Variants in TPP2 observed in about 807,000 individuals in gnomAD.
The protein encoded by TPP2 is tripeptidyl-peptidase 2.
Under a neutral mutation model 155.9 loss-of-function variants are expected in TPP2, and 34 were observed. The observed-to-expected ratio is 0.22, with a 90% CI of 0.17 to 0.29. The LOEUF is 0.29. Among genes scored for constraint, TPP2 ranks in the 10% least tolerant of loss-of-function variants. TPP2 has a pLI of 1.00. For missense variants in TPP2, 1,028 were observed against 1,522.3 expected (o/e 0.68, Z 5.40); for synonymous variants, 510 against 529.4 (o/e 0.96, Z 0.50).
chr13:102,640,826 A>AT (rs1882716185), intron 16 of TPP2, among the ~76,000 whole-genome samples: 2 of 151,310 alleles, frequency 1.3e-5, no homozygotes, highest in Admixed American at 6.6e-5. Context: ...TATTTTTTGT[A>AT]TTTTTAGTAG....
chr13:102,646,452 A>T, intron 20 of TPP2, 62 bp downstream of exon 20: 1 of 1,314,060 alleles, frequency 7.6e-7, no homozygotes, highest in Non-Finnish European at 1.1e-6. Flanking sequence ...TTTATGATTC[A>T]TAGAATCAAA....
intron 27 of TPP2, 26 bp downstream of exon 27, chr13:102,664,951 T>G (rs953151209): frequency 6.8e-6 from 11 of 1,606,976 alleles, no homozygotes; most frequent in Non-Finnish European, 9.3e-6. Context: ...ATAATCTTTC[T>G]TGCATCTCAT....
intron 3 of TPP2, 119 bp from the exon 4 acceptor site, chr13:102,616,277 T>C: frequency 1.3e-6 from 1 of 760,092 alleles, no homozygotes; most frequent in Non-Finnish European, 2.0e-6. Context: ...TTTTAAAACC[T>C]CTCTATGAGA....
At chr13:102,627,542 G>A (rs1292486952) in intron 7 of TPP2, among the ~76,000 whole-genome samples, 1 of 151,442 alleles carries the variant, frequency 6.6e-6, no homozygotes, top group Non-Finnish European at 1.5e-5. Context: ...TTTAATTTTA[G>A]TGATTTTTTA....
chr13:102,609,556 C>G (rs1415015888), intron 2 of TPP2, among the ~76,000 whole-genome samples: 1 of 151,872 alleles, frequency 6.6e-6, no homozygotes, highest in Non-Finnish European at 1.5e-5. Flanking sequence ...TGCCACCACA[C>G]CCGGCTAATT....
In TPP2 at chr13:102,651,579, G is replaced by GT. The variant is rs67186749; in HGVS notation, c.2991+195dup. 9.2e-4 allele frequency among the ~76,000 whole-genome samples: 133 copies of GT among 144,782 alleles called. 1 individual carries two copies. The South Asian group carries it at 0.014, about 16-fold the overall frequency. 95.0% of individuals were successfully genotyped at this position (144,782 alleles called of 152,430 possible). On this transcript the variant is annotated intron_variant, in intron 24 of 29. Transcript: ENST00000376052. The stretch of plus-strand genomic sequence containing the variant: ...TTGTTGACATACTGCTTTTCTAAAG[G>GT]TTTTTTTTTTTTTCCCCACCATAAA...
chr13:102,624,871 T>A (rs1291431584), intron 6 of TPP2, among the ~76,000 whole-genome samples: 82 of 99,864 alleles, frequency 8.2e-4, no homozygotes, highest in African/African-American at 3.1e-3. Flanking sequence ...TTTTTTTTTT[T>A]TTTTTGAGAC....
chr13:102,607,661 A>T (rs2139421028), intron 2 of TPP2: 9 of 448,526 alleles, frequency 2.0e-5, no homozygotes, highest in South Asian at 1.4e-4. Flanking sequence ...ATCTCGGCTC[A>T]CCTCGACCTC....
chr13:102,602,593 C>T (rs941177882), intron 1 of TPP2, among the ~76,000 whole-genome samples: 9 of 152,166 alleles, frequency 5.9e-5, no homozygotes, highest in African/African-American at 1.2e-4. Context: ...CCACCAACCA[C>T]CCATTTGCTT....
At chr13:102,651,467 T>C (rs1253205161) in intron 24 of TPP2, 70 bp downstream of exon 24, 2 of 1,489,200 alleles carry the variant, frequency 1.3e-6, no homozygotes, top group African/African-American at 2.8e-5. Flanking sequence ...TTTCTGTCAC[T>C]ATTATAAACC....
At chr13:102,617,986 C>T (rs943159909) in intron 4 of TPP2, among the ~76,000 whole-genome samples, 3 of 152,188 alleles carry the variant, frequency 2.0e-5, no homozygotes, top group Non-Finnish European at 2.9e-5. Flanking sequence ...GTCTCAATTT[C>T]AGTATTTATA....
Position 102,649,397 on chromosome 13 carries a change from C to T in TPP2, c.2874-11C>T. On this transcript the variant is annotated splice_polypyrimidine_tract_variant and intron_variant, in intron 22 of 29. Coordinates refer to ENST00000376052, the MANE Select transcript of TPP2 (RefSeq NM_001330588.2). ...TTGTTGCTTTTTTTCTCTTTGAATT[C>T]TCTTGTTTAGAATACCTAAAGGGGC... 1.3e-6 allele frequency: 2 copies of T among 1,599,336 alleles called. No individual in the cohort carries two copies. The highest frequency in any genetic ancestry group is 1.7e-6 in the Non-Finnish European group (2 of 1,176,088).
intron 1 of TPP2, 90 bp from the exon 2 acceptor site, chr13:102,604,703 A>T: frequency 7.3e-7 from 1 of 1,378,004 alleles, no homozygotes; most frequent in Non-Finnish European, 9.8e-7. Flanking sequence ...TAGATTTTGT[A>T]TATACACACA....
chr13:102,625,938 T>C (rs1448335557), intron 6 of TPP2, among the ~76,000 whole-genome samples: 4 of 152,256 alleles, frequency 2.6e-5, no homozygotes, highest in Non-Finnish European at 5.9e-5. Context: ...ACTTTTTCAC[T>C]AAAAGGCTAG....
chr13:102,597,263 G>T, intron 1 of TPP2, 60 bp downstream of exon 1: 1 of 1,033,390 alleles, frequency 9.7e-7, no homozygotes, highest in African/African-American at 1.7e-5. Context: ...CGCGGGTGGG[G>T]ACACAGTCTC....
Position 102,643,493 on chromosome 13 carries a change from A to AT in TPP2, c.2175+124dup, listed in dbSNP as rs1162085218. The AT allele has an allele frequency of 7.6e-6, 8 of 1,054,874 alleles. No individual in the cohort carries two copies. The East Asian group carries it at 9.5e-5, about 13-fold the overall frequency. The allele number at this position is 1,054,874 out of a possible 1,614,324, so 65.3% of individuals were successfully genotyped here. A position where few individuals can be genotyped will look rare whatever the true frequency, so the allele number is the denominator to read the frequency against. The stretch of plus-strand genomic sequence containing the variant: ...TGTATTTAGCATGTTGGGATTATAT[A>AT]TTTTTTTAATGCCAAAAAAATGAAG... On this transcript the variant is annotated intron_variant, in intron 17 of 29. Coordinates refer to ENST00000376052, the MANE Select transcript of TPP2 (RefSeq NM_001330588.2).
At chr13:102,654,972 A>G (rs677248) in intron 24 of TPP2, 292,671 of 504,686 alleles carry the variant, frequency 0.58, 87,868 homozygotes, top group African/African-American at 0.86. Flanking sequence ...AGCCCAAGCA[A>G]TAGACCTGTT....
rs961929245 is a variant in TPP2, at chr13:102,633,956, C to T, written c.1251C>T (p.Asp417=). The T allele has an allele frequency of 1.2e-5, 20 of 1,613,864 alleles. No individual in the cohort carries two copies. Among genetic ancestry groups the T allele is most frequent in the South Asian group, 3.3e-5 (3 of 91,076 alleles). The change falls in exon 11 of 30, where the codon GAC becomes GAT. Residue 417 remains aspartate (D), a synonymous_variant. Coordinates refer to ENST00000376052, the MANE Select transcript of TPP2 (RefSeq NM_001330588.2). ...YTWSSRGPSA[D]GALGVSISAP... Reference sequence around the variant, plus strand: ...TCAATGGCTTTCCATTTAGTGCTGACGGGGCCCTTGGTGTGAGTATCAGTG... The same window carrying T: ...TCAATGGCTTTCCATTTAGTGCTGATGGGGCCCTTGGTGTGAGTATCAGTG...
chr13:102,629,523 A>G lies in TPP2; in HGVS notation c.1058A>G (p.Asn353Ser). ...ATTAATGAAGCAGTATGGAAGCATA[A>G]TATAATTTATGTTTCAAGTGCTGGA... The part of the protein sequence containing the change: ...EVINEAVWKH[N>S]IIYVSSAGNN... Residue 353 changes from asparagine to serine, a missense_variant, in exon 9 of 30, where the codon AAT becomes AGT. Asn to Ser is a conservative substitution (Grantham distance 46). This residue lies in a region of TPP2 where 63 missense variants were observed against 165.7 expected (regional missense o/e 0.38). Coordinates refer to ENST00000376052, the MANE Select transcript of TPP2 (RefSeq NM_001330588.2). 1 of 1,532,870 alleles carries G rather than the reference A, an allele frequency of 6.5e-7. No individual in the cohort carries two copies. The highest frequency in any genetic ancestry group is 8.7e-7 in the Non-Finnish European group (1 of 1,150,580). 95.0% of individuals were successfully genotyped at this position (1,532,870 alleles called of 1,614,324 possible).
Sources: allele counts gnomAD v4.1 joint callset (sites outside exome capture counted in the v4.1 genomes callset), GRCh38; gene constraint gnomAD v4.1.1; regional missense constraint gnomAD v4.1.1; transcripts MANE v1.5; gene names NCBI Gene and HGNC (gene_info 2026-07-23, HGNC 2026-07-21).